NF1: variants seen among roughly 807,000 people sequenced by gnomAD.
NF1 encodes the protein neurofibromin.
NF1 carries 122 observed loss-of-function variants against 325.7 expected under a neutral mutation model. The ratio of observed to expected loss-of-function variants is 0.37; its 90% CI spans 0.32 to 0.44. The LOEUF (loss-of-function observed/expected upper bound fraction) is 0.44. NF1 is among the 20% of genes least tolerant of loss of function. The probability of loss-of-function intolerance (pLI) is 1.00; values close to 1 mark genes in which losing one functional copy is unlikely to be tolerated. For missense variants in NF1, 2,140 were observed against 3,415.4 expected (o/e 0.63, Z 9.31); for synonymous variants, 1,091 against 1,186.0 (o/e 0.92, Z 1.65).
At chr17:31,138,104 A>G (rs1915909876) in intron 1 of NF1, 1 of 151,956 alleles carries the variant, frequency 6.6e-6, no homozygotes, top group South Asian at 2.1e-4. Flanking sequence ...TTCTCTGGCA[A>G]CGTCTTCCTA....
intron 57 of NF1, among the ~76,000 whole-genome samples, chr17:31,366,641 C>A (rs2070527838): frequency 6.6e-6 from 1 of 152,176 alleles, no homozygotes. Flanking sequence ...GTGGTCCCAG[C>A]TACTAGGGAG....
intron 1 of NF1, among the ~76,000 whole-genome samples, chr17:31,124,646 C>T (rs905033445): frequency 7.9e-6 from 1 of 127,202 alleles, no homozygotes; most frequent in Non-Finnish European, 1.6e-5. Context: ...GTCGCCCAGG[C>T]TGGAGTGCAG....
At chr17:31,127,436 TTCC>T (rs1914979189) in intron 1 of NF1, among the ~76,000 whole-genome samples, 1 of 152,098 alleles carries the variant, frequency 6.6e-6, no homozygotes, top group African/African-American at 2.4e-5. Flanking sequence ...TAAAAAATCA[TTCC>T]AGTTAAGTTT....
At chr17:31,310,457 G>C (rs1286939439) in intron 36 of NF1, among the ~76,000 whole-genome samples, 2 of 152,108 alleles carry the variant, frequency 1.3e-5, no homozygotes, top group African/African-American at 2.4e-5. Context: ...TGAAGTAGAT[G>C]AAAGAAGCAA....
intron 5 of NF1, among the ~76,000 whole-genome samples, chr17:31,174,037 T>A (rs2065976132): frequency 6.6e-6 from 1 of 152,206 alleles, no homozygotes; most frequent in Non-Finnish European, 1.5e-5. Context: ...CATCTCTCTC[T>A]TAGACACTTA....
chr17:31,283,260 A>G (rs1168070886), intron 36 of NF1, among the ~76,000 whole-genome samples: 1 of 152,008 alleles, frequency 6.6e-6, no homozygotes, highest in Non-Finnish European at 1.5e-5. Context: ...TACTAAAAAT[A>G]CAAAAACTTA....
intron 12 of NF1, among the ~76,000 whole-genome samples, chr17:31,212,079 A>G (rs963176340): frequency 2.6e-5 from 4 of 152,260 alleles, no homozygotes; most frequent in African/African-American, 7.2e-5. Context: ...AACACTTTGT[A>G]TAGCTAGCTG....
chr17:31,340,143 G>C lies in NF1; in HGVS notation c.6922-362G>C, dbSNP rs1437292433. ...GAGTAGGGAGAAACTGAAGTAAAAA[G>C]AATCCACCTTTATAATAAAGAAGGT... On this transcript the variant is annotated intron_variant, in intron 46 of 57. Coordinates refer to ENST00000358273, the MANE Select transcript of NF1 (RefSeq NM_001042492.3). 4 of 293,118 alleles carry C rather than the reference G, an allele frequency of 1.4e-5. No individual in the cohort carries two copies. The Admixed American group carries it at 1.5e-4, about 11-fold the overall frequency. 18.2% of individuals were successfully genotyped at this position (293,118 alleles called of 1,614,324 possible). A position where few individuals can be genotyped will look rare whatever the true frequency, so the allele number is the denominator to read the frequency against.
intron 1 of NF1, among the ~76,000 whole-genome samples, chr17:31,097,190 G>A (rs574542171): frequency 4.2e-4 from 64 of 152,198 alleles, no homozygotes; most frequent in Non-Finnish European, 7.9e-4. Context: ...GGGCGCGGTG[G>A]CTCACGCCTG....
At chr17:31,332,237 G>A (rs1053924383) in intron 39 of NF1, among the ~76,000 whole-genome samples, 19 of 152,120 alleles carry the variant, frequency 1.2e-4, no homozygotes, top group African/African-American at 4.3e-4. Context: ...AGGCTGAGGT[G>A]GGTGGATCAC....
chr17:31,229,233 G>T lies in NF1; in HGVS notation c.2618G>T (p.Arg873Leu), dbSNP rs949092641. The T allele has an allele frequency of 6.2e-7, 1 of 1,612,396 alleles. No individual in the cohort carries two copies. The change falls in exon 21 of 58, where the codon CGT becomes CTT. Residue 873 changes from arginine to leucine, a missense_variant. Around this residue, in one of 10 missense-constraint regions of NF1, gnomAD observed 380 missense variants for 639.3 expected, o/e 0.59. Coordinates refer to ENST00000358273, the MANE Select transcript of NF1 (RefSeq NM_001042492.3). ...YSPPMGPVSE[R>L]KGSMISVMSS... is the part of the protein sequence containing the mutation. ...CCACCCATGGGTCCAGTCAGTGAAC[G>T]TAAGGGTTCTATGATTTCAGTGATG...
At chr17:31,252,409 T>C (rs1280885837) in intron 30 of NF1, 10 of 196,388 alleles carry the variant, frequency 5.1e-5, no homozygotes, top group Non-Finnish European at 1.1e-4. Context: ...ATTCAGAATT[T>C]CTAAAGTGAA....
intron 12 of NF1, among the ~76,000 whole-genome samples, chr17:31,213,366 C>T (rs1249421775): frequency 6.6e-6 from 1 of 152,130 alleles, no homozygotes. Flanking sequence ...AGGACTAAAA[C>T]CCTTCGGTGT....
chr17:31,139,145 T>G (rs1916020685), intron 1 of NF1, among the ~76,000 whole-genome samples: 1 of 152,136 alleles, frequency 6.6e-6, no homozygotes, highest in South Asian at 2.1e-4. Flanking sequence ...CTTCCCAGGT[T>G]CAAGAAATTC....
intron 40 of NF1, among the ~76,000 whole-genome samples, chr17:31,335,265 A>T (rs2069617307): frequency 2.1e-5 from 1 of 46,946 alleles, no homozygotes; most frequent in Non-Finnish European, 3.2e-5. Context: ...AGTCTCCTTC[A>T]AGGCATAATT....
intron 21 of NF1, 46 bp downstream of exon 21, chr17:31,229,511 C>G (rs2151429984): frequency 6.3e-7 from 1 of 1,576,436 alleles, no homozygotes; most frequent in Non-Finnish European, 8.7e-7. Context: ...AATAGAGTGA[C>G]TTGTTTGAAA....
intron 1 of NF1, among the ~76,000 whole-genome samples, chr17:31,134,910 A>G (rs1915651225): frequency 6.6e-6 from 1 of 152,158 alleles, no homozygotes; most frequent in Non-Finnish European, 1.5e-5. Flanking sequence ...GAACAACCCG[A>G]ATACCAGATG....
Position 31,373,789 on chromosome 17 carries a change from C to T in NF1, c.8378-224C>T, listed in dbSNP as rs569061521. Among the ~76,000 whole-genome samples, 44 of 152,324 alleles carry T rather than the reference C, an allele frequency of 2.9e-4. 1 individual carries two copies. The highest frequency in any genetic ancestry group is 8.3e-4 in the South Asian group (4 of 4,828). On this transcript the variant is annotated intron_variant, in intron 57 of 57. Coordinates refer to ENST00000358273, the MANE Select transcript of NF1 (RefSeq NM_001042492.3). ...GTACACAATATGGTAACCTGCTGTACAGGTTTGTTGCCTGGGAGAAACAGG... is the reference window on the plus strand; with the variant it reads ...GTACACAATATGGTAACCTGCTGTATAGGTTTGTTGCCTGGGAGAAACAGG...
chr17:31,354,980 C>T (rs1007474248), intron 51 of NF1, among the ~76,000 whole-genome samples: 3 of 152,132 alleles, frequency 2.0e-5, no homozygotes, highest in Non-Finnish European at 2.9e-5. Context: ...TCATAGAGAT[C>T]AGGACTAATA....
Sources: gnomAD v4.1 joint callset for allele counts (sites outside exome capture counted in the v4.1 genomes callset) on GRCh38, gnomAD v4.1.1 for gene constraint, gnomAD v4.1.1 regional missense constraint, MANE v1.5 for transcripts, NCBI Gene and HGNC (gene_info 2026-07-23, HGNC 2026-07-21) for gene names.